Variants in EDIL3 observed in about 807,000 individuals in gnomAD.
EDIL3 encodes the protein EGF like and discoidin domains 3, also known as EGF-like repeat and discoidin I-like domain-containing protein 3.
EDIL3 carries 37 observed loss-of-function variants against 67.4 expected under a neutral mutation model. That is an observed-to-expected ratio of 0.55 (90% CI 0.42 to 0.72). EDIL3 has a LOEUF of 0.72. EDIL3 is among the 30% of genes least tolerant of loss of function. The probability of loss-of-function intolerance (pLI) is 0.00; values close to 1 mark genes in which losing one functional copy is unlikely to be tolerated. For synonymous variants in EDIL3, 195 were observed against 196.3 expected, an observed-to-expected ratio of 0.99 and a Z score of 0.05; for missense variants, 527 against 586.3, an observed-to-expected ratio of 0.90 and a Z score of 1.04.
intron 1 of EDIL3, among the ~76,000 whole-genome samples, chr5:84,304,715 G>A (rs772256251): frequency 7.2e-5 from 11 of 152,100 alleles, no homozygotes; most frequent in Non-Finnish European, 1.0e-4. Flanking sequence ...TCCATTAATT[G>A]GTTTTACATA....
chr5:84,333,054 G>T (rs933232610), intron 1 of EDIL3, among the ~76,000 whole-genome samples: 1 of 152,092 alleles, frequency 6.6e-6, no homozygotes, highest in Admixed American at 6.6e-5. Context: ...CAGCTAGATA[G>T]ATAAAATAAG....
chr5:84,203,631 G>A (rs577152210), intron 3 of EDIL3, among the ~76,000 whole-genome samples: 31 of 152,174 alleles, frequency 2.0e-4, no homozygotes, highest in African/African-American at 7.2e-4. Flanking sequence ...TTAATTGAAA[G>A]GTCACATAAC....
At chr5:83,974,153 A>T (rs1033735918) in intron 9 of EDIL3, among the ~76,000 whole-genome samples, 1 of 151,878 alleles carries the variant, frequency 6.6e-6, no homozygotes, top group Non-Finnish European at 1.5e-5. Context: ...GGGTATGTGC[A>T]TGTTTTATGG....
intron 1 of EDIL3, among the ~76,000 whole-genome samples, chr5:84,294,999 T>A (rs1746014389): frequency 6.6e-6 from 1 of 152,118 alleles, no homozygotes; most frequent in Non-Finnish European, 1.5e-5. Flanking sequence ...ACTTACACAT[T>A]TCAGCAAAGT....
intron 1 of EDIL3, among the ~76,000 whole-genome samples, chr5:84,367,826 T>G (rs1747772058): frequency 6.6e-6 from 1 of 152,156 alleles, no homozygotes; most frequent in Admixed American, 6.6e-5. Flanking sequence ...ATAATTTGCT[T>G]GTTTATTTTC....
chr5:84,059,179 T>A (rs191694483), intron 9 of EDIL3, among the ~76,000 whole-genome samples: 1 of 151,716 alleles, frequency 6.6e-6, no homozygotes, highest in East Asian at 1.9e-4. Flanking sequence ...GGCAGGAGGA[T>A]TGGTGGAGGC....
intron 2 of EDIL3, among the ~76,000 whole-genome samples, chr5:84,242,785 C>T (rs868186835): frequency 3.4e-5 from 3 of 87,528 alleles, no homozygotes; most frequent in African/African-American, 1.4e-4. Flanking sequence ...GCGACAGAGA[C>T]CCTATCTTAA....
Position 84,257,216 on chromosome 5 carries a change from C to G in EDIL3, c.68-3004G>C, listed in dbSNP as rs1321659768. On this transcript the variant is annotated intron_variant, in intron 1 of 10. Coordinates refer to ENST00000296591, the MANE Select transcript of EDIL3 (RefSeq NM_005711.5). ...AACCTTCCATGGCCCCTCTGCTGCC[C>G]TCTCTAGATGATAATGCTAAATCGA... 2.0e-5 allele frequency among the ~76,000 whole-genome samples: 3 copies of G among 152,100 alleles called. No homozygotes were observed. The East Asian group carries it at 5.8e-4, about 29-fold the overall frequency.
At chr5:84,328,345 C>A (rs927618436) in intron 1 of EDIL3, among the ~76,000 whole-genome samples, 4 of 151,890 alleles carry the variant, frequency 2.6e-5, no homozygotes, top group African/African-American at 9.7e-5. Flanking sequence ...CAAAATGCTT[C>A]CCCCCGTCAC....
At chr5:84,331,352 T>C (rs1182864185) in intron 1 of EDIL3, among the ~76,000 whole-genome samples, 1 of 152,168 alleles carries the variant, frequency 6.6e-6, no homozygotes, top group Non-Finnish European at 1.5e-5. Context: ...CACCCGAATT[T>C]CATCTTGAAC....
At chr5:84,076,276 A>G (rs1476596197) in intron 6 of EDIL3, among the ~76,000 whole-genome samples, 5 of 152,184 alleles carry the variant, frequency 3.3e-5, no homozygotes, top group Admixed American at 1.3e-4. Flanking sequence ...GCAGCTAGAA[A>G]AGAAGAGATG....
chr5:84,348,245 T>G (rs1747273372), intron 1 of EDIL3, among the ~76,000 whole-genome samples: 1 of 152,118 alleles, frequency 6.6e-6, no homozygotes, highest in Non-Finnish European at 1.5e-5. Flanking sequence ...CCTGCAGTCA[T>G]TGCTTGAGGG....
chr5:84,189,637 A>G (rs1174634674), intron 3 of EDIL3, among the ~76,000 whole-genome samples: 1 of 151,986 alleles, frequency 6.6e-6, no homozygotes, highest in Non-Finnish European at 1.5e-5. Context: ...CATCTTGCAC[A>G]CTGCTGCGAA....
At chr5:84,103,847 C>T (rs1747411659) in intron 6 of EDIL3, among the ~76,000 whole-genome samples, 1 of 151,976 alleles carries the variant, frequency 6.6e-6, no homozygotes, top group Non-Finnish European at 1.5e-5. Context: ...TAACATTCAG[C>T]CCAGCCACAG....
chr5:84,309,497 C>T (rs1267169790), intron 1 of EDIL3, among the ~76,000 whole-genome samples: 1 of 151,824 alleles, frequency 6.6e-6, no homozygotes, highest in Non-Finnish European at 1.5e-5. Flanking sequence ...TCCCCCGTCC[C>T]CCCACCCCAC....
At chr5:84,187,056 A>G (rs569190757) in intron 3 of EDIL3, among the ~76,000 whole-genome samples, 111 of 152,220 alleles carry the variant, frequency 7.3e-4, no homozygotes, top group Middle Eastern at 6.8e-3. Context: ...ATGGACTTTC[A>G]AGATACAAGA....
At chr5:84,302,318 A>G (rs1038472651) in intron 1 of EDIL3, among the ~76,000 whole-genome samples, 1 of 151,978 alleles carries the variant, frequency 6.6e-6, no homozygotes, top group Non-Finnish European at 1.5e-5. Context: ...TTATTTTGAG[A>G]CAGAGTCTCA....
chr5:84,238,770 T>C (rs1009599672), intron 2 of EDIL3, among the ~76,000 whole-genome samples: 9 of 151,672 alleles, frequency 5.9e-5, no homozygotes, highest in Non-Finnish European at 1.3e-4. Context: ...AATTTTCTTA[T>C]CTGCAAAACT....
chr5:83,951,586 TA>T (rs1327322081), intron 10 of EDIL3, among the ~76,000 whole-genome samples: 1 of 151,630 alleles, frequency 6.6e-6, no homozygotes, highest in African/African-American at 2.4e-5. Context: ...ACCCTGGCAA[TA>T]AAAGTCCACA....
Sources: allele counts gnomAD v4.1 joint callset (sites outside exome capture counted in the v4.1 genomes callset), GRCh38; gene constraint gnomAD v4.1.1; transcripts MANE v1.5; gene names NCBI Gene and HGNC (gene_info 2026-07-23, HGNC 2026-07-21).